FNDC3A: variants seen among roughly 807,000 people sequenced by gnomAD.
The protein encoded by FNDC3A is fibronectin type-III domain-containing protein 3A.
In FNDC3A, 32 loss-of-function variants were observed where a neutral mutation model predicts 148.9. The ratio of observed to expected loss-of-function variants is 0.21; its 90% confidence interval spans 0.16 to 0.29. The LOEUF is 0.29. Among genes scored for constraint, FNDC3A ranks in the 10% least tolerant of loss-of-function variants. The probability of loss-of-function intolerance (pLI) is 1.00; values close to 1 mark genes in which losing one functional copy is unlikely to be tolerated. For missense variants in FNDC3A, 1,191 were observed against 1,452.8 expected, an observed-to-expected ratio of 0.82 and a Z score of 2.93; for synonymous variants, 472 against 473.6, an observed-to-expected ratio of 1.00 and a Z score of 0.04.
chr13:49,136,263 C>A (rs921516295), intron 5 of FNDC3A, 69 bp from the exon 6 acceptor site: 9 of 1,324,150 alleles, frequency 6.8e-6, no homozygotes, highest in Non-Finnish European at 9.3e-6. Context: ...ATTTTCTGTT[C>A]TTTTTTCATG....
chr13:49,060,473 A>G (rs1876589555), intron 2 of FNDC3A, among the ~76,000 whole-genome samples: 1 of 151,952 alleles, frequency 6.6e-6, no homozygotes, highest in East Asian at 1.9e-4. Flanking sequence ...GTGAAACCCC[A>G]TCTCCATTAA....
chr13:49,103,272 A>G (rs1361793758), intron 3 of FNDC3A, among the ~76,000 whole-genome samples: 1 of 152,234 alleles, frequency 6.6e-6, no homozygotes, highest in Non-Finnish European at 1.5e-5. Context: ...GCTATAACAA[A>G]TTATAATAAA....
At chr13:49,120,493 T>C (rs566540017) in intron 4 of FNDC3A, among the ~76,000 whole-genome samples, 50 of 152,226 alleles carry the variant, frequency 3.3e-4, no homozygotes, top group African/African-American at 1.2e-3. Context: ...CATAACAGTA[T>C]TAATCTTAAA....
intron 13 of FNDC3A, among the ~76,000 whole-genome samples, chr13:49,177,897 C>G (rs931578207): frequency 6.6e-6 from 1 of 151,996 alleles, no homozygotes; most frequent in Non-Finnish European, 1.5e-5. Flanking sequence ...GACTGCTACC[C>G]AAAAAAGGAC....
chr13:48,996,119 A>G (rs1952019031), intron 1 of FNDC3A, among the ~76,000 whole-genome samples: 1 of 152,218 alleles, frequency 6.6e-6, no homozygotes, highest in Non-Finnish European at 1.5e-5. Context: ...GTAGTTGCCT[A>G]TGGCTCTTCA....
intron 3 of FNDC3A, chr13:49,095,392 G>T (rs1016315779): frequency 6.6e-6 from 1 of 152,000 alleles, no homozygotes; most frequent in South Asian, 2.1e-4. Flanking sequence ...TAAGAAACCC[G>T]CTGGTCCAAA....
intron 2 of FNDC3A, among the ~76,000 whole-genome samples, chr13:49,012,836 T>TGTGTGG (rs1239751260): frequency 6.6e-6 from 1 of 151,760 alleles, no homozygotes; most frequent in Non-Finnish European, 1.5e-5. Context: ...TGTGTGTGTG[T>TGTGTGG]GTGTATCATT....
chr13:49,097,147 C>T (rs114162475), intron 3 of FNDC3A, among the ~76,000 whole-genome samples: 3,022 of 152,036 alleles, frequency 0.02, 110 homozygotes, highest in African/African-American at 0.068. Context: ...GGATTTTAAG[C>T]AGGGGATAAC....
intron 3 of FNDC3A, among the ~76,000 whole-genome samples, chr13:49,090,293 G>A (rs1431785592): frequency 6.6e-6 from 1 of 152,142 alleles, no homozygotes; most frequent in African/African-American, 2.4e-5. Context: ...ATGGTGGCAT[G>A]TGCCTGTAGT....
chr13:49,160,794 T>C (rs1466260001), intron 8 of FNDC3A, among the ~76,000 whole-genome samples: 2 of 151,708 alleles, frequency 1.3e-5, no homozygotes, highest in African/African-American at 2.4e-5. Context: ...GCTTTGAATG[T>C]GTCCCAGAGA....
chr13:49,027,071 A>T (rs1873769177), intron 2 of FNDC3A, among the ~76,000 whole-genome samples: 1 of 152,182 alleles, frequency 6.6e-6, no homozygotes, highest in Non-Finnish European at 1.5e-5. Flanking sequence ...TTCAAAACTG[A>T]AAGAGTGTAC....
chr13:48,993,493 A>G (rs986770598), intron 1 of FNDC3A, among the ~76,000 whole-genome samples: 16 of 152,342 alleles, frequency 1.1e-4, no homozygotes, highest in African/African-American at 3.8e-4. Flanking sequence ...ATTTTTAAAA[A>G]TCTCATATGA....
chr13:49,145,911 A>T lies in FNDC3A; in HGVS notation c.953A>T (p.Asp318Val). ...GTTCTGATCTCAAGTACTGGAAAAG[A>T]TGGGAAATACAAAAGTGTATATGTG... ...YEVLISSTGK[D>V]GKYKSVYVGE... The change falls in exon 8 of 26, where the codon GAT (aspartate) becomes GTT (valine). Residue 318 changes from aspartate (D) to valine (V), a missense_variant. Asp to Val is a radical substitution (Grantham distance 152, BLOSUM62 -3). Around this residue, in one of 3 missense-constraint regions of FNDC3A, gnomAD observed 426 missense variants for 473.2 expected, o/e 0.90. Transcript: ENST00000492622. 1 of 1,612,772 alleles carries T rather than the reference A, an allele frequency of 6.2e-7. No individual in the cohort carries two copies.
intron 1 of FNDC3A, among the ~76,000 whole-genome samples, chr13:48,984,619 G>C (rs1293705936): frequency 6.6e-6 from 1 of 152,132 alleles, no homozygotes; most frequent in Non-Finnish European, 1.5e-5. Context: ...AGTAAAGATA[G>C]TTAGGTACCC....
At chr13:49,165,615 G>A (rs1245479794) in intron 8 of FNDC3A, among the ~76,000 whole-genome samples, 2 of 152,156 alleles carry the variant, frequency 1.3e-5, no homozygotes, top group African/African-American at 4.8e-5. Context: ...ATGAGTACCA[G>A]TGTTAGCAAA....
In FNDC3A at chr13:49,171,897, T is replaced by C. The variant is rs141423079; in HGVS notation, c.1177-146T>C. The C allele has an allele frequency of 7.2e-4, 417 of 578,488 alleles. 4 individuals carry two copies. The African/African-American group carries it at 7.3e-3, about 10-fold the overall frequency. 35.8% of individuals were successfully genotyped at this position (578,488 alleles called of 1,614,324 possible). ...AGGATTATAGGGCATACAATACATA[T>C]ATTTTTGTATTTTTATGAACATTTT... On this transcript the variant is annotated intron_variant, in intron 10 of 25. Coordinates refer to ENST00000492622, the MANE Select transcript of FNDC3A (RefSeq NM_001079673.2).
At chr13:49,041,415 T>G (rs1874919867) in intron 2 of FNDC3A, among the ~76,000 whole-genome samples, 4 of 152,216 alleles carry the variant, frequency 2.6e-5, no homozygotes, top group Middle Eastern at 3.2e-3. Context: ...AAACCTCACG[T>G]TACAAGACCT....
chr13:48,988,945 T>G (rs1034737481), intron 1 of FNDC3A, among the ~76,000 whole-genome samples: 1 of 151,550 alleles, frequency 6.6e-6, no homozygotes, highest in Non-Finnish European at 1.5e-5. Flanking sequence ...GATAAACATA[T>G]ACATTTAAGG....
intron 6 of FNDC3A, among the ~76,000 whole-genome samples, chr13:49,138,513 T>G (rs1229562645): frequency 3.3e-5 from 5 of 152,086 alleles, no homozygotes; most frequent in African/African-American, 1.2e-4. Flanking sequence ...TAAATATATA[T>G]AGATATATCT....
Sources: allele counts gnomAD v4.1 joint callset (sites outside exome capture counted in the v4.1 genomes callset), GRCh38; gene constraint gnomAD v4.1.1; regional missense constraint gnomAD v4.1.1; transcripts MANE v1.5; gene names NCBI Gene and HGNC (gene_info 2026-07-23, HGNC 2026-07-21).